Variants in ENTREP2 observed in about 807,000 individuals in gnomAD.
The protein encoded by ENTREP2 is endosomal transmembrane epsin interactor 2.
chr15:29,199,528 AGAG>A, the ENTREP2 span, among the ~76,000 whole-genome samples: 1 of 152,232 alleles, frequency 6.6e-6, no homozygotes, highest in Non-Finnish European at 1.5e-5. Flanking sequence ...GACTGTATTC[AGAG>A]GAGATTTTCA....
chr15:29,578,653 A>G, the ENTREP2 span, among the ~76,000 whole-genome samples: 1 of 152,220 alleles, frequency 6.6e-6, no homozygotes, highest in Non-Finnish European at 1.5e-5. Context: ...TTTTTCAAAC[A>G]TTACGCACTT....
the ENTREP2 span, among the ~76,000 whole-genome samples, chr15:29,135,644 T>C: frequency 1.3e-5 from 2 of 152,174 alleles, no homozygotes; most frequent in African/African-American, 2.4e-5. This position sits in a 1 kb window ranked among gnomAD's most constrained non-coding sequence, Gnocchi z 7.4. Context: ...CCCATAACCC[T>C]GGTACTGTTA....
the ENTREP2 span, among the ~76,000 whole-genome samples, chr15:29,419,337 T>G: frequency 6.6e-6 from 1 of 151,996 alleles, no homozygotes; most frequent in African/African-American, 2.4e-5. Context: ...AAATACAACA[T>G]CTAAAATGAG....
chr15:29,532,762 A>G, the ENTREP2 span, among the ~76,000 whole-genome samples: 59 of 152,356 alleles, frequency 3.9e-4, no homozygotes, highest in African/African-American at 1.4e-3. Context: ...AATAGAATTG[A>G]TTTCTGCTAG....
At chr15:29,507,095 G>C in the ENTREP2 span, among the ~76,000 whole-genome samples, 23 of 152,082 alleles carry the variant, frequency 1.5e-4, no homozygotes, top group African/African-American at 5.5e-4. Flanking sequence ...AAAAAAAGCA[G>C]GGGTTGCAAT....
chr15:29,280,924 G>GT, the ENTREP2 span, among the ~76,000 whole-genome samples: 2 of 152,078 alleles, frequency 1.3e-5, no homozygotes, highest in Non-Finnish European at 2.9e-5. Context: ...GAGAGAGGTG[G>GT]TTGGGAAAGC....
At chr15:29,628,942 A>G in the ENTREP2 span, among the ~76,000 whole-genome samples, 913 of 152,004 alleles carry the variant, frequency 6.0e-3, 9 homozygotes, top group African/African-American at 0.021. Context: ...TAGAGACAGC[A>G]TTTCACCGTG....
chr15:29,626,736 C>G, the ENTREP2 span, among the ~76,000 whole-genome samples: 2 of 152,114 alleles, frequency 1.3e-5, no homozygotes, highest in Non-Finnish European at 2.9e-5. Context: ...TGTTCCATAT[C>G]TTACAAGAAA....
the ENTREP2 span, among the ~76,000 whole-genome samples, chr15:29,512,275 T>C: frequency 1.3e-5 from 2 of 152,262 alleles, no homozygotes; most frequent in African/African-American, 2.4e-5. Context: ...CATAAAGCTA[T>C]GAGCTGTCTT....
At chr15:29,604,316 C>T in the ENTREP2 span, among the ~76,000 whole-genome samples, 2 of 152,024 alleles carry the variant, frequency 1.3e-5, no homozygotes, top group South Asian at 2.1e-4. Flanking sequence ...ACATTGTGGT[C>T]GAGAATAGAA....
chr15:29,499,491 C>G, the ENTREP2 span, among the ~76,000 whole-genome samples: 1 of 151,856 alleles, frequency 6.6e-6, no homozygotes, highest in Non-Finnish European at 1.5e-5. Flanking sequence ...AGATGATCCT[C>G]TCACCCAAGC....
chr15:29,635,489 C>T, the ENTREP2 span, among the ~76,000 whole-genome samples: 19 of 152,230 alleles, frequency 1.2e-4, no homozygotes, highest in African/African-American at 4.6e-4. Context: ...GATGTGCACC[C>T]CGTGCATGGG....
At chr15:29,449,874 T>C in the ENTREP2 span, among the ~76,000 whole-genome samples, 1 of 152,210 alleles carries the variant, frequency 6.6e-6, no homozygotes, top group Non-Finnish European at 1.5e-5. Context: ...TAAGAAGTGT[T>C]TAAGCAGTCC....
At chr15:29,326,209 A>G in the ENTREP2 span, among the ~76,000 whole-genome samples, 4 of 152,202 alleles carry the variant, frequency 2.6e-5, no homozygotes, top group East Asian at 7.7e-4. Flanking sequence ...TCAACATCAT[A>G]TTAGAAGTCC....
the ENTREP2 span, among the ~76,000 whole-genome samples, chr15:29,324,551 T>C: frequency 6.6e-6 from 1 of 152,018 alleles, no homozygotes; most frequent in Non-Finnish European, 1.5e-5. Context: ...AGATTAGAAG[T>C]GAAGGGATGA....
chr15:29,638,324 A>G, the ENTREP2 span, among the ~76,000 whole-genome samples: 22,282 of 152,182 alleles, frequency 0.15, 3,189 homozygotes, highest in African/African-American at 0.38. Context: ...CCTGAACACC[A>G]CTGGTCTCTA....
chr15:29,149,745 C>T, the ENTREP2 span, among the ~76,000 whole-genome samples: 3 of 152,200 alleles, frequency 2.0e-5, no homozygotes, highest in Admixed American at 2.0e-4. Context: ...GTGGATTCAC[C>T]CACCACCAGC....
the ENTREP2 span, among the ~76,000 whole-genome samples, chr15:29,297,846 T>A: frequency 2.6e-5 from 4 of 152,128 alleles, no homozygotes; most frequent in African/African-American, 9.7e-5. Flanking sequence ...AAATGACCCA[T>A]TAAGATAAAA....
chr15:29,260,286 C>CA, the ENTREP2 span, among the ~76,000 whole-genome samples: 1 of 152,108 alleles, frequency 6.6e-6, no homozygotes, highest in African/African-American at 2.4e-5. Flanking sequence ...GAAAAGTAAA[C>CA]CATAGACTAA....
Sources: gnomAD v4.1 joint callset for allele counts (sites outside exome capture counted in the v4.1 genomes callset) on GRCh38, gnomAD v4.1.1 for gene constraint, Gnocchi (gnomAD v3.1) non-coding constraint, MANE v1.5 for transcripts, NCBI Gene and HGNC (gene_info 2026-07-23, HGNC 2026-07-21) for gene names.